The following DEPDC7 variants were observed in gnomAD, a reference collection of about 807,000 sequenced individuals.
DEPDC7 encodes DEP domain-containing protein 7.
A neutral mutation model predicts 56.6 loss-of-function variants in DEPDC7; 41 were observed. The observed-to-expected ratio is 0.72, with a 90% CI of 0.56 to 0.94. The LOEUF (loss-of-function observed/expected upper bound fraction) is 0.94, where lower values mean the gene tolerates loss of function less well. Ranked by LOEUF, DEPDC7 falls within the 40% of genes least tolerant of loss-of-function variation. DEPDC7 has a pLI of 0.00. For synonymous variants in DEPDC7, 185 were observed against 208.8 expected, an observed-to-expected ratio of 0.89 and a Z score of 0.98; for missense variants, 522 against 596.3, an observed-to-expected ratio of 0.88 and a Z score of 1.30.
chr11:33,025,607 C>T, intron 1 of DEPDC7, 52 bp from the exon 2 acceptor site: 1 of 1,529,542 alleles, frequency 6.5e-7, no homozygotes, highest in Non-Finnish European at 8.8e-7. Context: ...GACCTTATTA[C>T]AAATGAACAA....
At chr11:33,026,116 C>T (rs1450919958) in intron 2 of DEPDC7, 67 bp downstream of exon 2, 1 of 1,544,186 alleles carries the variant, frequency 6.5e-7, no homozygotes, top group Non-Finnish European at 8.9e-7. Context: ...TTATGAGATG[C>T]CTACTGGCTT....
Position 33,027,775 on chromosome 11 carries a change from C to T in DEPDC7, c.554C>T (p.Ser185Phe), listed in dbSNP as rs777338685. ...WENLSLKPAN[S>F]PHVNISATLS... ...AATCTGAGTTTAAAGCCTGCCAACT[C>T]CCCTCATGTAAATATCTCTGCAACC... is the stretch of plus-strand genomic sequence containing the variant. Residue 185 changes from serine to phenylalanine, a missense_variant, in exon 3 of 9, where the codon TCC becomes TTC. Transcript: ENST00000241051. The T allele has an allele frequency of 2.5e-6, 4 of 1,577,136 alleles. No individual in the cohort carries two copies. In the African/African-American group the frequency reaches 5.5e-5, roughly 22 times the overall value.
At chr11:33,025,230 C>T (rs942797356) in intron 1 of DEPDC7, among the ~76,000 whole-genome samples, 1 of 152,208 alleles carries the variant, frequency 6.6e-6, no homozygotes, top group African/African-American at 2.4e-5. Flanking sequence ...CCCCAGATGT[C>T]TGCACAGCTT....
At chr11:33,031,655 A>G (rs2133668377) in intron 5 of DEPDC7, 66 bp downstream of exon 5, 1 of 1,276,192 alleles carries the variant, frequency 7.8e-7, no homozygotes, top group East Asian at 2.3e-5. Context: ...GTTAGTTCTC[A>G]AACTGAACCA....
chr11:33,021,690 C>A (rs1052367154), intron 1 of DEPDC7, among the ~76,000 whole-genome samples: 4 of 152,184 alleles, frequency 2.6e-5, no homozygotes, highest in Admixed American at 2.6e-4. Context: ...GGAAATATCC[C>A]AGGATGCAAT....
At chr11:33,023,770 C>A (rs1249836584) in intron 1 of DEPDC7, among the ~76,000 whole-genome samples, 2 of 152,140 alleles carry the variant, frequency 1.3e-5, no homozygotes, top group African/African-American at 4.8e-5. Context: ...TAATGTCCTT[C>A]AGGAGCTTAT....
rs547100470 is a variant in DEPDC7, at chr11:33,033,570, T to A, written c.*115T>A. The A allele has an allele frequency of 2.2e-5, 16 of 725,122 alleles. No homozygotes were observed. Among genetic ancestry groups the A allele is most frequent in the Non-Finnish European group, 3.0e-5 (14 of 467,960 alleles). The allele number at this position is 725,122 out of a possible 1,614,324, so 44.9% of individuals were successfully genotyped here. A position where few individuals can be genotyped will look rare whatever the true frequency, so the allele number is the denominator to read the frequency against. On this transcript the variant is annotated 3_prime_UTR_variant, in exon 9 of 9. Coordinates refer to ENST00000241051, the MANE Select transcript of DEPDC7 (RefSeq NM_001077242.2). Reference sequence around the variant, plus strand: ...AATTTGAAACTGTACTTAATAAAAATTTTTTTGTATAACTTCGTGTGTCAG... The same window carrying A: ...AATTTGAAACTGTACTTAATAAAAAATTTTTTGTATAACTTCGTGTGTCAG...
Position 33,033,563 on chromosome 11 carries a change from A to G in DEPDC7, c.*108A>G. 1.2e-6 allele frequency: 1 copy of G among 831,876 alleles called. No homozygotes were observed. The highest frequency in any genetic ancestry group is 1.8e-5 in the African/African-American group (1 of 56,770). The allele number at this position is 831,876 out of a possible 1,614,324, so 51.5% of individuals were successfully genotyped here. On this transcript the variant is annotated 3_prime_UTR_variant, in exon 9 of 9. Transcript: ENST00000241051. ...AGCTCTAAATTTGAAACTGTACTTA[A>G]TAAAAATTTTTTTGTATAACTTCGT... is the stretch of plus-strand genomic sequence containing the variant.
In DEPDC7 at chr11:33,027,363, C is replaced by T. The variant is rs184281522; in HGVS notation, c.465-323C>T. Among the ~76,000 whole-genome samples the T allele has an allele frequency of 9.2e-5, 14 of 152,224 alleles. No homozygotes were observed. In the East Asian group the frequency reaches 2.5e-3, roughly 27 times the overall value. On this transcript the variant is annotated intron_variant, in intron 2 of 8. Coordinates refer to ENST00000241051, the MANE Select transcript of DEPDC7 (RefSeq NM_001077242.2). ...TTAGAAAACGATAAGTACTGTTCAC[C>T]AAAGAATGCCCCACAAAAAGATAAC...
At chr11:33,016,516 C>T (rs1244252625) in intron 1 of DEPDC7, 3 of 1,613,472 alleles carry the variant, frequency 1.9e-6, no homozygotes, top group Non-Finnish European at 1.7e-6. Context: ...GTCAGCTTGT[C>T]TCCCCAGACT....
rs551937838 is a variant in DEPDC7, at chr11:33,023,845, G to A, written c.74-1814G>A. Among the ~76,000 whole-genome samples the A allele has an allele frequency of 2.6e-5, 4 of 152,264 alleles. No individual in the cohort carries two copies. In the South Asian group the frequency reaches 8.3e-4, roughly 32 times the overall value. On this transcript the variant is annotated intron_variant, in intron 1 of 8. Transcript: ENST00000241051. ...AAAAGTAGGAAGATAATTTCAAGTAGCAATTTCTTTAATTATAATTCCCTT... is the reference window on the plus strand; with the variant it reads ...AAAAGTAGGAAGATAATTTCAAGTAACAATTTCTTTAATTATAATTCCCTT...
intron 1 of DEPDC7, among the ~76,000 whole-genome samples, chr11:33,016,824 GACTCAGATAACTGTTAAGAT>G (rs1337201220): frequency 1.3e-5 from 2 of 152,188 alleles, no homozygotes; most frequent in Non-Finnish European, 2.9e-5. Context: ...TAATAGGGGT[GACTCAGATAACTGTTAAGAT>G]ACTCAGATAA....
chr11:33,032,270 A>G, intron 5 of DEPDC7, 66 bp from the exon 6 acceptor site: 1 of 1,397,116 alleles, frequency 7.2e-7, no homozygotes. Context: ...CTGTAACTTG[A>G]GTTTTGTTCC....
chr11:33,028,546 G>T, intron 3 of DEPDC7, 57 bp from the exon 4 acceptor site: 2 of 1,381,870 alleles, frequency 1.4e-6, no homozygotes, highest in East Asian at 2.4e-5. Context: ...AAATATTATG[G>T]TGAGCATATA....
At chr11:33,024,976 T>G (rs536834070) in intron 1 of DEPDC7, among the ~76,000 whole-genome samples, 24 of 152,304 alleles carry the variant, frequency 1.6e-4, no homozygotes, top group Non-Finnish European at 2.6e-4. Flanking sequence ...GATACGTACC[T>G]CATAGGTTGC....
In DEPDC7 at chr11:33,028,692, G is replaced by T; in HGVS notation, c.682G>T (p.Glu228Ter). ...TCTTGACTCCTTACTGAAACAGCAA[G>T]AGGCTGTACCTAAAATTCCTCAACC... ...PLLDSLLKQQ[E>*]AVPKIPQPKR... The change falls in exon 4 of 9, where the codon GAG becomes TAG. Residue 228 changes from glutamate to a stop codon, truncating the protein, a stop_gained. Transcript: ENST00000241051. LOFTEE classifies it high-confidence loss of function. 1.9e-6 allele frequency: 3 copies of T among 1,613,944 alleles called. 1 individual carries two copies. The South Asian group carries it at 3.3e-5, about 18-fold the overall frequency.
Position 33,025,910 on chromosome 11 carries a change from G to A in DEPDC7, c.325G>A (p.Glu109Lys). 6.2e-7 allele frequency: 1 copy of A among 1,614,180 alleles called. No homozygotes were observed. The highest frequency in any genetic ancestry group is 8.5e-7 in the Non-Finnish European group (1 of 1,180,032). The change falls in exon 2 of 9, where the codon GAA becomes AAA. Residue 109 changes from glutamate to lysine, a missense_variant. By Grantham distance (56) the Glu-to-Lys change is moderately conservative. Coordinates refer to ENST00000241051, the MANE Select transcript of DEPDC7 (RefSeq NM_001077242.2). ...CQALMDYKVF[E>K]AVPTKVFGKD... ...AGCGCTTATGGACTACAAAGTATTT[G>A]AAGCAGTTCCAACCAAAGTCTTTGG...
chr11:33,027,564 A>G, intron 2 of DEPDC7, 122 bp from the exon 3 acceptor site: 1 of 773,638 alleles, frequency 1.3e-6, no homozygotes. Context: ...TACTCTTAGA[A>G]TTTGGATTTG....
intron 4 of DEPDC7, 73 bp from the exon 5 acceptor site, chr11:33,031,305 G>T: frequency 9.0e-7 from 1 of 1,107,312 alleles, no homozygotes; most frequent in Non-Finnish European, 1.4e-6. Flanking sequence ...GGTACCATGT[G>T]TATATTTGTT....
Sources: gnomAD v4.1 joint callset for allele counts (sites outside exome capture counted in the v4.1 genomes callset) on GRCh38, gnomAD v4.1.1 for gene constraint, MANE v1.5 for transcripts, NCBI Gene and HGNC (gene_info 2026-07-23, HGNC 2026-07-21) for gene names.